KCNH2: variants seen among roughly 807,000 people sequenced by gnomAD.
KCNH2 encodes voltage-gated inwardly rectifying potassium channel KCNH2.
KCNH2 carries 35 observed loss-of-function variants against 95.9 expected under a neutral mutation model. That is an observed-to-expected ratio of 0.37 (90% confidence interval 0.28 to 0.48). KCNH2 has a LOEUF of 0.48. Ranked by LOEUF, KCNH2 falls within the 20% of genes least tolerant of loss-of-function variation. The pLI is 0.99. For synonymous variants in KCNH2, 786 were observed against 754.7 expected, an observed-to-expected ratio of 1.04 and a Z score of -0.68; for missense variants, 1,274 against 1,702.9, an observed-to-expected ratio of 0.75 and a Z score of 4.43.
chr7:150,949,992 G>A (rs763886523), intron 9 of KCNH2, 176 bp downstream of exon 9: 3 of 1,555,244 alleles, frequency 1.9e-6, no homozygotes, highest in South Asian at 2.4e-5. Flanking sequence ...CACCCCACGT[G>A]GGGCTCCTCT....
chr7:150,967,830 A>G (rs13244889), intron 2 of KCNH2, among the ~76,000 whole-genome samples: 1 of 152,140 alleles, frequency 6.6e-6, no homozygotes, highest in African/African-American at 2.4e-5. Flanking sequence ...GATATTTGCA[A>G]TATCTGTTTC....
At chr7:150,974,611 G>GCC in intron 2 of KCNH2, 100 bp downstream of exon 2, 11 of 795,738 alleles carry the variant, frequency 1.4e-5, no homozygotes, top group South Asian at 6.9e-5. Flanking sequence ...TTCTCCAGCC[G>GCC]CCCCCACACC....
chr7:150,955,438 C>A, intron 5 of KCNH2: 2 of 1,566,640 alleles, frequency 1.3e-6, no homozygotes, highest in East Asian at 2.4e-5. Flanking sequence ...CCCGCCTCAC[C>A]CGGCCTTTCT....
chr7:150,957,408 G>A lies in KCNH2; in HGVS notation c.1011C>T (p.Thr337=). The A allele has an allele frequency of 6.2e-7, 1 of 1,614,164 alleles. No homozygotes were observed. The highest frequency in any genetic ancestry group is 8.5e-7 in the Non-Finnish European group (1 of 1,179,958). The part of the protein sequence containing the change: ...YRTISKIPQI[T]LNFVDLKGDP... The stretch of plus-strand genomic sequence containing the variant: ...CGCCCTTGAGGTCCACAAAGTTGAG[G>A]GTGATTTGGGGAATCTTGCTAATGG... The change falls in exon 5 of 15, where the codon ACC becomes ACT. Residue 337 remains threonine (T), a synonymous_variant. Coordinates refer to ENST00000262186, the MANE Select transcript of KCNH2 (RefSeq NM_000238.4).
At chr7:150,974,627 A>ACCCCCCCC in intron 2 of KCNH2, 84 bp downstream of exon 2, 1 of 346,194 alleles carries the variant, frequency 2.9e-6, no homozygotes, top group Non-Finnish European at 4.9e-6. Context: ...ACACCCCCAC[A>ACCCCCCCC]CCCCCACGCA....
At position 150,952,306 on chromosome 7, in the gene KCNH2, C is replaced by CTCTT; in HGVS notation, c.1557+115_1557+118dup. On this transcript the variant is annotated intron_variant, in intron 6 of 14. Coordinates refer to ENST00000262186, the MANE Select transcript of KCNH2 (RefSeq NM_000238.4). The surrounding 1 kb of genome is among the most constrained non-coding windows in gnomAD (Gnocchi z 7.3). ...CATGTCTCTCTCCCACTGTCTTTCT[C>CTCTT]TCTTTCTCTCTCTCTCTCTTTTTCT... 8.8e-7 allele frequency: 1 copy of CTCTT among 1,134,748 alleles called. No individual in the cohort carries two copies. The highest frequency in any genetic ancestry group is 1.3e-6 in the Non-Finnish European group (1 of 780,522). 70.3% of individuals were successfully genotyped at this position (1,134,748 alleles called of 1,614,324 possible).
chr7:150,947,300 C>T (rs535114110), intron 13 of KCNH2, 28 bp downstream of exon 13: 2 of 1,513,874 alleles, frequency 1.3e-6, no homozygotes, highest in Non-Finnish European at 1.8e-6. Context: ...CCAGGGCGTG[C>T]CCCCCCACCC....
chr7:150,945,160 C>T lies in KCNH2; in HGVS notation c.*205G>A, dbSNP rs573503971. ...GGCAGTGGGGGGACCACAGGCCCCA[C>T]CTACTGCCGGCCCTGCCCCTGCCCC... On this transcript the variant is annotated 3_prime_UTR_variant, in exon 15 of 15. Coordinates refer to ENST00000262186, the MANE Select transcript of KCNH2 (RefSeq NM_000238.4). This position sits in a 1 kb window ranked among gnomAD's most constrained non-coding sequence, Gnocchi z 5.6. 6 of 623,518 alleles carry T rather than the reference C, an allele frequency of 9.6e-6. No individual in the cohort carries two copies. Among genetic ancestry groups the T allele is most frequent in the Admixed American group, 3.0e-5 (1 of 33,608 alleles). The allele number at this position is 623,518 out of a possible 1,614,324, so 38.6% of individuals were successfully genotyped here. A position where few individuals can be genotyped will look rare whatever the true frequency, so the allele number is the denominator to read the frequency against.
chr7:150,976,033 G>A (rs1801972214), intron 1 of KCNH2, among the ~76,000 whole-genome samples: 1 of 152,258 alleles, frequency 6.6e-6, no homozygotes. Flanking sequence ...GTGAGCAGCA[G>A]GCAGGCAGCA....
chr7:150,945,419 C>T lies in KCNH2; in HGVS notation c.3426G>A (p.Leu1142=). 1 of 1,579,020 alleles carries T rather than the reference C, an allele frequency of 6.3e-7. No homozygotes were observed. The part of the protein sequence containing the change: ...PTRRLSLPGQ[L]GALTSQPLHR... ...GCAGGGGCTGGGAGGTGAGGGCCCC[C>T]AGCTGGCCCGGTAGGGAGAGGCGTC... The change falls in exon 15 of 15, where the codon CTG becomes CTA. Residue 1142 remains leucine, a synonymous_variant. Coordinates refer to ENST00000262186, the MANE Select transcript of KCNH2 (RefSeq NM_000238.4). This position sits in a 1 kb window ranked among gnomAD's most constrained non-coding sequence, Gnocchi z 5.6.
At chr7:150,968,177 G>T (rs1357629182) in intron 2 of KCNH2, among the ~76,000 whole-genome samples, 1 of 152,250 alleles carries the variant, frequency 6.6e-6, no homozygotes, top group African/African-American at 2.4e-5. Context: ...GCTCTGAGAA[G>T]GAGGGTGATG....
intron 2 of KCNH2, among the ~76,000 whole-genome samples, chr7:150,964,212 C>T (rs1584872453): frequency 2.0e-5 from 3 of 152,318 alleles, no homozygotes; most frequent in Admixed American, 6.5e-5. Flanking sequence ...TCAGAGTCTC[C>T]GTGCGCTCCT....
Position 150,958,485 on chromosome 7 carries a change from G to C in KCNH2, c.490C>G (p.Arg164Gly). ...GCCAGCAGCGCGGGCAGCTTCAGGCGGAAGGTCTTGGCGCGGCCTGCGGGA... is the reference window on the plus strand; with the variant it reads ...GCCAGCAGCGCGGGCAGCTTCAGGCCGAAGGTCTTGGCGCGGCCTGCGGGA... ...WLAPGRAKTF[R>G]LKLPALLALT... Residue 164 changes from arginine (R) to glycine (G), a missense_variant, in exon 4 of 15, where the codon CGC becomes GGC. Transcript: ENST00000262186. 2 of 1,472,486 alleles carry C rather than the reference G, an allele frequency of 1.4e-6. No individual in the cohort carries two copies. Among genetic ancestry groups the C allele is most frequent in the Non-Finnish European group, 1.8e-6 (2 of 1,118,442 alleles). 91.2% of individuals were successfully genotyped at this position (1,472,486 alleles called of 1,614,324 possible).
At chr7:150,974,118 G>A (rs1339211243) in intron 2 of KCNH2, among the ~76,000 whole-genome samples, 2 of 152,190 alleles carry the variant, frequency 1.3e-5, no homozygotes, top group East Asian at 1.9e-4. Context: ...GTGGCAGGGC[G>A]GGGCGCTCGA....
At chr7:150,969,853 G>A (rs941248615) in intron 2 of KCNH2, among the ~76,000 whole-genome samples, 2 of 152,122 alleles carry the variant, frequency 1.3e-5, no homozygotes, top group Admixed American at 1.3e-4. Flanking sequence ...AAAAGGAGAG[G>A]GGTTTATCTG....
chr7:150,947,682 G>A lies in KCNH2; in HGVS notation c.2889C>T (p.Pro963=), dbSNP rs749814759. The part of the protein sequence containing the change: ...LRLVPFSSPR[P]PGEPPGGEPL... ...GCTCCCCACCCGGCGGCTCTCCGGG[G>A]GGCCTGGGGCTGGAGAAGGGCACCA... Residue 963 remains proline, a synonymous_variant, in exon 12 of 15, where the codon CCC becomes CCT. Transcript: ENST00000262186. 2.6e-5 allele frequency: 42 copies of A among 1,602,192 alleles called. No individual in the cohort carries two copies. In the South Asian group the frequency reaches 4.5e-4, roughly 17 times the overall value.
At chr7:150,948,057 C>T (rs572368702) in intron 11 of KCNH2, among the ~76,000 whole-genome samples, 179 bp from the exon 12 acceptor site, 40 of 152,286 alleles carry the variant, frequency 2.6e-4, no homozygotes, top group South Asian at 2.3e-3. Context: ...ACTCCCAGGA[C>T]CCCCTGACTG....
chr7:150,963,420 C>T (rs895550583), intron 2 of KCNH2, among the ~76,000 whole-genome samples: 1 of 152,142 alleles, frequency 6.6e-6, no homozygotes, highest in Non-Finnish European at 1.5e-5. Flanking sequence ...GGTGAAATGG[C>T]CTAAGATATG....
At chr7:150,969,899 G>A (rs1461188335) in intron 2 of KCNH2, among the ~76,000 whole-genome samples, 5 of 152,106 alleles carry the variant, frequency 3.3e-5, no homozygotes, top group Non-Finnish European at 5.9e-5. Flanking sequence ...AGATCTTTAT[G>A]GGCAAGACTA....
Sources: allele counts gnomAD v4.1 joint callset (sites outside exome capture counted in the v4.1 genomes callset), GRCh38; gene constraint gnomAD v4.1.1; non-coding constraint Gnocchi (gnomAD v3.1); transcripts MANE v1.5; gene names NCBI Gene and HGNC (gene_info 2026-07-23, HGNC 2026-07-21).